Variants in SH2D3C observed in about 807,000 individuals in gnomAD.
SH2D3C encodes the protein SH2 domain-containing protein 3C.
Under a neutral mutation model 75.2 loss-of-function variants are expected in SH2D3C, and 25 were observed. The ratio of observed to expected loss-of-function variants is 0.33; its 90% CI spans 0.24 to 0.46. SH2D3C has a LOEUF of 0.46. SH2D3C is among the 20% of genes least tolerant of loss of function. SH2D3C has a pLI of 1.00. For synonymous variants in SH2D3C, 450 were observed against 473.7 expected (o/e 0.95, Z 0.65); for missense variants, 933 against 1,165.3 (o/e 0.80, Z 2.90).
chr9:127,743,177 A>C (rs1844918186), intron 7 of SH2D3C, among the ~76,000 whole-genome samples: 1 of 152,210 alleles, frequency 6.6e-6, no homozygotes. Flanking sequence ...AATTAATAGG[A>C]AAATGTCCAG....
chr9:127,740,175 G>A, intron 10 of SH2D3C, 83 bp downstream of exon 10: 1 of 1,151,288 alleles, frequency 8.7e-7, no homozygotes. Context: ...GCTCAGCCAG[G>A]CTGTCATCAC....
At chr9:127,766,749 T>C (rs991706424) in intron 2 of SH2D3C, among the ~76,000 whole-genome samples, 44 of 152,182 alleles carry the variant, frequency 2.9e-4, no homozygotes, top group African/African-American at 1.1e-3. Flanking sequence ...TTTGTATTTT[T>C]AGTAGAGATG....
intron 2 of SH2D3C, chr9:127,762,470 C>A (rs1034890074): frequency 3.9e-6 from 2 of 506,356 alleles, no homozygotes; most frequent in Non-Finnish European, 7.7e-6. Context: ...CTCCTCCCTG[C>A]CCCCTCCCCA....
At chr9:127,762,041 C>T (rs1845539150) in intron 2 of SH2D3C, 1 of 260,054 alleles carries the variant, frequency 3.8e-6, no homozygotes, top group African/African-American at 2.3e-5. Flanking sequence ...CCTTCCCTAC[C>T]CCCTCCTCCC....
intron 2 of SH2D3C, chr9:127,767,128 C>T (rs1371579229): frequency 6.5e-7 from 1 of 1,535,780 alleles, no homozygotes; most frequent in African/African-American, 1.4e-5. Flanking sequence ...CTGGAGCCCT[C>T]AGTTTTCCTG....
rs1845288928 is a variant in SH2D3C at position 127,754,252 on chromosome 9, C to A, written c.556-2952G>T. 6.6e-6 allele frequency among the ~76,000 whole-genome samples: 1 copy of A among 152,144 alleles called. No individual in the cohort carries two copies. Among genetic ancestry groups the A allele is most frequent in the African/African-American group, 2.4e-5 (1 of 41,432 alleles). ...TGCGCTCCGCCGCCGGCGGGGCAGTCCTTCAGGCGGGCTCCGCGAGCGTGT... is the reference window on the plus strand; with the variant it reads ...TGCGCTCCGCCGCCGGCGGGGCAGTACTTCAGGCGGGCTCCGCGAGCGTGT... On this transcript the variant is annotated intron_variant, in intron 3 of 11. Transcript: ENST00000314830. This position sits in a 1 kb window ranked among gnomAD's most constrained non-coding sequence, Gnocchi z 4.4.
In SH2D3C at chr9:127,767,521, GCAAAGAAACAGACAAA is replaced by G. The variant is rs1207861152; in HGVS notation, c.516-5887_516-5872del. 7.2e-5 allele frequency among the ~76,000 whole-genome samples: 11 copies of G among 152,328 alleles called. No homozygotes were observed. In the South Asian group the frequency reaches 1.4e-3, roughly 20 times the overall value. On this transcript the variant is annotated intron_variant, in intron 2 of 11. Transcript: ENST00000314830. ...GAGGAGGTGAAGCTAGAGAGGGAAG[GCAAAGAAACAGACAAA>G]CAAAAAAACAATATTTCAACCAGAG...
At chr9:127,768,017 C>G (rs1190893698) in intron 2 of SH2D3C, among the ~76,000 whole-genome samples, 1 of 152,188 alleles carries the variant, frequency 6.6e-6, no homozygotes, top group Non-Finnish European at 1.5e-5. Context: ...CCAAGCCAGC[C>G]CGGTTCCCAC....
chr9:127,758,888 G>A (rs999983514), intron 3 of SH2D3C, among the ~76,000 whole-genome samples: 1 of 152,238 alleles, frequency 6.6e-6, no homozygotes, highest in Non-Finnish European at 1.5e-5. Flanking sequence ...TGAGGGGGCA[G>A]CAATCTGAGG....
intron 7 of SH2D3C, among the ~76,000 whole-genome samples, chr9:127,743,283 G>A (rs963874468): frequency 2.0e-5 from 3 of 152,126 alleles, no homozygotes; most frequent in Admixed American, 6.5e-5. Context: ...TGGGCGGATC[G>A]CCTGAGGTCA....
chr9:127,759,942 C>G (rs1845486691), intron 3 of SH2D3C, among the ~76,000 whole-genome samples: 1 of 151,106 alleles, frequency 6.6e-6, no homozygotes, highest in African/African-American at 2.4e-5. Context: ...AAAATCGCAC[C>G]ACTGTGCTCC....
chr9:127,742,481 C>T (rs2131736474), intron 8 of SH2D3C, among the ~76,000 whole-genome samples: 1 of 152,316 alleles, frequency 6.6e-6, no homozygotes, highest in South Asian at 2.1e-4. Context: ...AGGTGATTCG[C>T]CCGCCTCGGC....
intron 4 of SH2D3C, among the ~76,000 whole-genome samples, chr9:127,750,385 C>T (rs1035167643): frequency 6.6e-6 from 1 of 152,134 alleles, no homozygotes; most frequent in South Asian, 2.1e-4. Context: ...AAACTCCTGA[C>T]CTCAGGTGAT....
chr9:127,767,951 T>C (rs1255406712), intron 2 of SH2D3C, among the ~76,000 whole-genome samples: 4 of 152,100 alleles, frequency 2.6e-5, no homozygotes, highest in Non-Finnish European at 5.9e-5. Context: ...CTGGGTCCCC[T>C]GGGGGTTTGG....
intron 7 of SH2D3C, among the ~76,000 whole-genome samples, chr9:127,743,719 A>G (rs1039754177): frequency 1.3e-5 from 2 of 152,212 alleles, no homozygotes; most frequent in Non-Finnish European, 2.9e-5. Context: ...CTCTGAGACC[A>G]GTATAACCCA....
At chr9:127,770,395 G>A (rs1845711731) in intron 2 of SH2D3C, among the ~76,000 whole-genome samples, 1 of 152,158 alleles carries the variant, frequency 6.6e-6, no homozygotes, top group South Asian at 2.1e-4. Context: ...TTTCCCAAAT[G>A]TCCTCCCCAA....
rs541786681 is a variant in SH2D3C at position 127,747,313 on chromosome 9, A to G, written c.1140-42T>C. The G allele has an allele frequency of 2.9e-5, 46 of 1,585,930 alleles. 1 individual carries two copies. In the South Asian group the frequency reaches 4.9e-4, roughly 17 times the overall value. ...ATCATGGGCAGGGAGCCCGGAGGTC[A>G]GGGGCCTCAGCCTGCCTCTGGGACC... is the stretch of plus-strand genomic sequence containing the variant. On this transcript the variant is annotated intron_variant, in intron 5 of 11. Coordinates refer to ENST00000314830, the MANE Select transcript of SH2D3C (RefSeq NM_170600.3).
chr9:127,763,161 C>G (rs1845570219), intron 2 of SH2D3C, among the ~76,000 whole-genome samples: 1 of 152,252 alleles, frequency 6.6e-6, no homozygotes, highest in African/African-American at 2.4e-5. Flanking sequence ...CCTCCTCCCT[C>G]TTTATTCAGG....
intron 2 of SH2D3C, among the ~76,000 whole-genome samples, chr9:127,771,886 A>G (rs1359010658): frequency 6.6e-6 from 1 of 152,244 alleles, no homozygotes; most frequent in Non-Finnish European, 1.5e-5. Flanking sequence ...TACTGAGTGC[A>G]GCATGCCAGC....
Sources: allele counts gnomAD v4.1 joint callset (sites outside exome capture counted in the v4.1 genomes callset), GRCh38; gene constraint gnomAD v4.1.1; non-coding constraint Gnocchi (gnomAD v3.1); transcripts MANE v1.5; gene names NCBI Gene and HGNC (gene_info 2026-07-23, HGNC 2026-07-21).